SNX30: variants seen among roughly 807,000 people sequenced by gnomAD.
SNX30 encodes the protein sorting nexin-30.
SNX30 carries 24 observed loss-of-function variants against 46.4 expected under a neutral mutation model. The observed-to-expected ratio is 0.52, with a 90% CI of 0.37 to 0.73. The LOEUF (loss-of-function observed/expected upper bound fraction) is 0.73, where lower values mean the gene tolerates loss of function less well. SNX30 is among the 30% of genes least tolerant of loss of function. The pLI is 0.00. For synonymous variants in SNX30, 189 were observed against 211.5 expected, an observed-to-expected ratio of 0.89 and a Z score of 0.92; for missense variants, 533 against 555.7, an observed-to-expected ratio of 0.96 and a Z score of 0.41.
intron 2 of SNX30, among the ~76,000 whole-genome samples, chr9:112,816,064 C>T (rs1356038495): frequency 6.6e-6 from 1 of 152,094 alleles, no homozygotes; most frequent in Non-Finnish European, 1.5e-5. Context: ...AGGCTGGTCT[C>T]AAACTCTAGG....
chr9:112,763,718 G>A (rs546777851), intron 1 of SNX30, among the ~76,000 whole-genome samples: 69 of 151,904 alleles, frequency 4.5e-4, no homozygotes, highest in East Asian at 3.7e-3. Context: ...GCATGGCGGC[G>A]CGTGCCTGTA....
At position 112,872,694 on chromosome 9, in the gene SNX30, G is replaced by A. The variant is rs905000950; in HGVS notation, c.*3851G>A. The stretch of plus-strand genomic sequence containing the variant: ...TGGAAACTGGGTGATCCAATTATAG[G>A]GCTGGGGCAACCCTGCTTTGGCCAC... On this transcript the variant is annotated 3_prime_UTR_variant, in exon 9 of 9. Coordinates refer to ENST00000374232, the MANE Select transcript of SNX30 (RefSeq NM_001012994.2). 1 of 152,170 alleles carries A rather than the reference G, an allele frequency of 6.6e-6. No individual in the cohort carries two copies. The highest frequency in any genetic ancestry group is 2.4e-5 in the African/African-American group (1 of 41,402). The allele number at this position is 152,170 out of a possible 1,614,324, so 9.4% of individuals were successfully genotyped here.
intron 1 of SNX30, among the ~76,000 whole-genome samples, chr9:112,776,041 T>C (rs1345727672): frequency 6.6e-6 from 1 of 152,192 alleles, no homozygotes; most frequent in Non-Finnish European, 1.5e-5. Context: ...CTACATATCC[T>C]TAGATTTTTC....
intron 7 of SNX30, among the ~76,000 whole-genome samples, chr9:112,859,177 A>G (rs1356654392): frequency 2.0e-5 from 3 of 152,040 alleles, no homozygotes; most frequent in Non-Finnish European, 4.4e-5. Context: ...CTAGAATAAT[A>G]TAATATTTAT....
At chr9:112,856,196 G>A (rs1171028198) in intron 7 of SNX30, among the ~76,000 whole-genome samples, 6 of 152,024 alleles carry the variant, frequency 3.9e-5, no homozygotes, top group Non-Finnish European at 8.8e-5. Context: ...CCTGACCCAC[G>A]GGTAGCCTCA....
Position 112,765,612 on chromosome 9 carries a change from A to G in SNX30, c.156+14455A>G, listed in dbSNP as rs1394386084. 3.3e-5 allele frequency among the ~76,000 whole-genome samples: 5 copies of G among 152,198 alleles called. 1 individual carries two copies. Among genetic ancestry groups the G allele is most frequent in the Admixed American group, 2.6e-4 (4 of 15,276 alleles). On this transcript the variant is annotated intron_variant, in intron 1 of 8. Transcript: ENST00000374232. ...TGTCTGAAAGCCTCCTCCATGTTGT[A>G]TGTATCAGTACTTCATTCCTTTCCC...
At chr9:112,777,600 A>ATTTTTTTTTTTTTTTTTT (rs55784760) in intron 1 of SNX30, among the ~76,000 whole-genome samples, 1 of 75,592 alleles carries the variant, frequency 1.3e-5, no homozygotes, top group Non-Finnish European at 2.3e-5. Flanking sequence ...CTAGTTTTTA[A>ATTTTTTTTTTTTTTTTTT]TTTTTTTTTT....
intron 1 of SNX30, among the ~76,000 whole-genome samples, chr9:112,779,264 A>C (rs1381826814): frequency 6.6e-6 from 1 of 152,198 alleles, no homozygotes; most frequent in Admixed American, 6.5e-5. Context: ...TGTGAGTGGG[A>C]AGAGAAGAGT....
In SNX30 at chr9:112,774,037, C is replaced by T. The variant is rs539413555; in HGVS notation, c.156+22880C>T. Reference sequence around the variant, plus strand: ...CACTGGCCAGAAAACAGAATTCTCTCCCAGAGGAAATGGATGAGAGAAACT... The same window carrying T: ...CACTGGCCAGAAAACAGAATTCTCTTCCAGAGGAAATGGATGAGAGAAACT... On this transcript the variant is annotated intron_variant, in intron 1 of 8. Transcript: ENST00000374232. Among the ~76,000 whole-genome samples, 15 of 152,310 alleles carry T rather than the reference C, an allele frequency of 9.8e-5. No homozygotes were observed. The East Asian group carries it at 2.1e-3, about 22-fold the overall frequency.
intron 7 of SNX30, among the ~76,000 whole-genome samples, chr9:112,861,119 C>T (rs1272072712): frequency 6.6e-6 from 1 of 152,206 alleles, no homozygotes; most frequent in Non-Finnish European, 1.5e-5. Flanking sequence ...GAATGGTGCT[C>T]GTGCTGTGTA....
chr9:112,856,092 A>G (rs768508316), intron 7 of SNX30, among the ~76,000 whole-genome samples: 5 of 152,162 alleles, frequency 3.3e-5, no homozygotes, highest in Non-Finnish European at 7.4e-5. Context: ...ACTAGCTCCA[A>G]AAAGAACAAA....
intron 7 of SNX30, among the ~76,000 whole-genome samples, chr9:112,858,494 A>G (rs1841171515): frequency 1.3e-5 from 2 of 152,324 alleles, no homozygotes; most frequent in Admixed American, 6.5e-5. Context: ...CAGCCTGGGA[A>G]ACAGAGCAAG....
intron 1 of SNX30, among the ~76,000 whole-genome samples, chr9:112,774,463 A>G (rs787285): frequency 0.94 from 143,356 of 152,294 alleles, 67,576 homozygotes; most frequent in East Asian, 1. Flanking sequence ...TAGACAGAAT[A>G]GACAAATTCC....
chr9:112,844,804 C>T (rs77025716), intron 6 of SNX30, among the ~76,000 whole-genome samples: 10,354 of 152,252 alleles, frequency 0.068, 451 homozygotes, highest in Non-Finnish European at 0.099. Context: ...TTTCAAAAGC[C>T]AATTTAAATT....
In SNX30 at chr9:112,871,868, A is replaced by C. The variant is rs1841451288; in HGVS notation, c.*3025A>C. ...CTAGGCTGTTCTGCTCAGAGCGAGG[A>C]ACCACTGCTCCTCAATGGGGAGGGA... On this transcript the variant is annotated 3_prime_UTR_variant, in exon 9 of 9. Coordinates refer to ENST00000374232, the MANE Select transcript of SNX30 (RefSeq NM_001012994.2). 6.6e-6 allele frequency: 1 copy of C among 152,210 alleles called. No individual in the cohort carries two copies. The highest frequency in any genetic ancestry group is 2.1e-4 in the South Asian group (1 of 4,826). The allele number at this position is 152,210 out of a possible 1,614,324, so 9.4% of individuals were successfully genotyped here.
At chr9:112,810,292 T>C (rs909873801) in intron 2 of SNX30, among the ~76,000 whole-genome samples, 1 of 152,174 alleles carries the variant, frequency 6.6e-6, no homozygotes, top group African/African-American at 2.4e-5. Flanking sequence ...GGTTGTAGAA[T>C]GTATCGTGTC....
intron 2 of SNX30, among the ~76,000 whole-genome samples, chr9:112,812,237 G>A (rs1247175410): frequency 6.6e-6 from 1 of 152,134 alleles, no homozygotes; most frequent in Non-Finnish European, 1.5e-5. Flanking sequence ...GGGTCAGAGA[G>A]TGTGCAAGCA....
intron 1 of SNX30, among the ~76,000 whole-genome samples, chr9:112,804,140 T>G (rs1432659214): frequency 6.6e-6 from 1 of 151,296 alleles, no homozygotes; most frequent in Admixed American, 6.6e-5. Context: ...CTGTTCCTAT[T>G]CGGCCATCTT....
chr9:112,782,996 G>A (rs1030197725), intron 1 of SNX30, among the ~76,000 whole-genome samples: 1 of 152,340 alleles, frequency 6.6e-6, no homozygotes, highest in African/African-American at 2.4e-5. Flanking sequence ...TCTGGAGCTG[G>A]CTGACTCTTC....
Sources: allele counts gnomAD v4.1 joint callset (sites outside exome capture counted in the v4.1 genomes callset), GRCh38; gene constraint gnomAD v4.1.1; transcripts MANE v1.5; gene names NCBI Gene and HGNC (gene_info 2026-07-23, HGNC 2026-07-21).